The following MLPH variants were observed in gnomAD, a reference collection of about 807,000 sequenced individuals.
MLPH encodes melanophilin.
A neutral mutation model predicts 72.1 loss-of-function variants in MLPH; 51 were observed. That is an observed-to-expected ratio of 0.71 (90% CI 0.56 to 0.89). The LOEUF is 0.89. Ranked by LOEUF, MLPH falls within the 40% of genes least tolerant of loss-of-function variation. The probability of loss-of-function intolerance (pLI) is 0.00; values close to 1 mark genes in which losing one functional copy is unlikely to be tolerated. For synonymous variants in MLPH, 301 were observed against 310.1 expected, an observed-to-expected ratio of 0.97 and a Z score of 0.31; for missense variants, 743 against 759.9, an observed-to-expected ratio of 0.98 and a Z score of 0.26.
chr2:237,542,688 CAGTGCTGAGTGGGG>C, intron 12 of MLPH, 29 bp downstream of exon 12: 1 of 1,496,098 alleles, frequency 6.7e-7, no homozygotes, highest in African/African-American at 1.5e-5. Context: ...TGAGTGGAGA[CAGTGCTGAGTGGGG>C]GGGCAGTGGT....
chr2:237,530,538 A>C (rs1453156560), intron 8 of MLPH, among the ~76,000 whole-genome samples: 1 of 152,138 alleles, frequency 6.6e-6, no homozygotes, highest in Non-Finnish European at 1.5e-5. Context: ...CTGACTTTTT[A>C]CTGTAGTGTC....
At chr2:237,546,381 T>A in intron 12 of MLPH, 1 of 576,050 alleles carries the variant, frequency 1.7e-6, no homozygotes, top group Non-Finnish European at 3.1e-6. Context: ...CTTTTCACAA[T>A]CTGAAATTCA....
At chr2:237,507,129 T>C (rs4471842) in intron 2 of MLPH, 144,792 of 147,144 alleles carry the variant, frequency 0.98, 71,257 homozygotes, top group Middle Eastern at 1. Context: ...TGCAGTAGCG[T>C]AATCTCGGCT....
Position 237,493,480 on chromosome 2 carries a change from C to G in MLPH, c.54C>G (p.Val18=). The part of the protein sequence containing the change: ...SKLTDEEAQH[V]LEVVQRDFDL... ...TCACTGATGAAGAGGCCCAGCATGTCTTGGAAGTTGTTCAACGAGATTTTG... is the reference window on the plus strand; with the variant it reads ...TCACTGATGAAGAGGCCCAGCATGTGTTGGAAGTTGTTCAACGAGATTTTG... The change falls in exon 2 of 16, where the codon GTC becomes GTG. Residue 18 remains valine (V), a synonymous_variant. Coordinates refer to ENST00000264605, the MANE Select transcript of MLPH (RefSeq NM_024101.7). 6.2e-7 allele frequency: 1 copy of G among 1,614,106 alleles called. No individual in the cohort carries two copies.
Position 237,546,678 on chromosome 2 carries a change from G to A in MLPH, c.1612G>A (p.Ala538Thr), listed in dbSNP as rs2080925077. 1.3e-5 allele frequency: 21 copies of A among 1,613,904 alleles called. No homozygotes were observed. Among genetic ancestry groups the A allele is most frequent in the Non-Finnish European group, 1.7e-5 (20 of 1,179,752 alleles). Residue 538 changes from alanine (A) to threonine (T), a missense_variant, in exon 13 of 16, where the codon GCC becomes ACC. By Grantham distance (58) the Ala-to-Thr change is moderately conservative. Coordinates refer to ENST00000264605, the MANE Select transcript of MLPH (RefSeq NM_024101.7). ...EDPNADPSSE[A>T]KAMAVPYLLR... ...CCCAAATGCAGACCCTTCAAGTGAG[G>A]CCAAGGTATGTGTTACTCCATTCAA...
At chr2:237,525,113 C>A (rs976479235) in intron 6 of MLPH, among the ~76,000 whole-genome samples, 2 of 152,214 alleles carry the variant, frequency 1.3e-5, no homozygotes, top group Non-Finnish European at 2.9e-5. Context: ...AACACAGACA[C>A]CCCTCTGCTG....
At chr2:237,515,934 G>T (rs1334619979) in intron 4 of MLPH, among the ~76,000 whole-genome samples, 4 of 152,228 alleles carry the variant, frequency 2.6e-5, no homozygotes, top group African/African-American at 9.7e-5. Context: ...CAAGGCAGAG[G>T]TGTGGTGTGC....
intron 1 of MLPH, among the ~76,000 whole-genome samples, chr2:237,489,197 T>C (rs939323538): frequency 6.6e-6 from 1 of 152,180 alleles, no homozygotes; most frequent in African/African-American, 2.4e-5. Context: ...CTGGGACCCA[T>C]CCTTGCGGTA....
intron 1 of MLPH, among the ~76,000 whole-genome samples, chr2:237,492,500 T>A (rs948348724): frequency 6.6e-6 from 1 of 151,702 alleles, no homozygotes; most frequent in Non-Finnish European, 1.5e-5. Context: ...TTTTAAAAAA[T>A]TTAATTAGAT....
At position 237,505,480 on chromosome 2, in the gene MLPH, C is replaced by T. The variant is rs2079748093; in HGVS notation, c.111-5094C>T. Among the ~76,000 whole-genome samples, 1 of 152,154 alleles carries T rather than the reference C, an allele frequency of 6.6e-6. No homozygotes were observed. The highest frequency in any genetic ancestry group is 2.4e-5 in the African/African-American group (1 of 41,436). ...ACAGGACCCCTCATGCAGGCTCTTCCCCCGCCTGTGTGCTGGACCTTGGGG... is the reference window on the plus strand; with the variant it reads ...ACAGGACCCCTCATGCAGGCTCTTCTCCCGCCTGTGTGCTGGACCTTGGGG... On this transcript the variant is annotated intron_variant, in intron 2 of 15. Transcript: ENST00000264605. The surrounding 1 kb of genome is among the most constrained non-coding windows in gnomAD (Gnocchi z 4.5).
At chr2:237,525,374 C>G (rs185720874) in intron 6 of MLPH, among the ~76,000 whole-genome samples, 124 of 152,312 alleles carry the variant, frequency 8.1e-4, no homozygotes, top group African/African-American at 2.9e-3. Flanking sequence ...ATTGCACAGA[C>G]ACATGCAATA....
At chr2:237,515,352 T>C (rs765485948) in intron 4 of MLPH, among the ~76,000 whole-genome samples, 19 of 152,108 alleles carry the variant, frequency 1.2e-4, no homozygotes, top group Non-Finnish European at 2.4e-4. Context: ...AGGGTAGTGC[T>C]GTGGAAGAGC....
At position 237,527,569 on chromosome 2, in the gene MLPH, T is replaced by C. The variant is rs1462986509; in HGVS notation, c.1020+53T>C. The C allele has an allele frequency of 1.8e-5, 29 of 1,608,616 alleles. No individual in the cohort carries two copies. The South Asian group carries it at 2.6e-4, about 15-fold the overall frequency. On this transcript the variant is annotated intron_variant, in intron 8 of 15. Coordinates refer to ENST00000264605, the MANE Select transcript of MLPH (RefSeq NM_024101.7). ...TTGTCGTTTCTTTGGGTGGAGTCTT[T>C]TTACCTCCACACCAAGTCACTTTAG...
At chr2:237,491,237 G>C (rs2079423170) in intron 1 of MLPH, among the ~76,000 whole-genome samples, 2 of 152,180 alleles carry the variant, frequency 1.3e-5, no homozygotes, top group Non-Finnish European at 2.9e-5. Flanking sequence ...TGGTGGTTTT[G>C]AGACTTCCCC....
intron 6 of MLPH, among the ~76,000 whole-genome samples, chr2:237,522,791 T>C (rs77009515): frequency 0.17 from 25,317 of 151,990 alleles, 2,310 homozygotes; most frequent in African/African-American, 0.23. Flanking sequence ...GGGTGGGGTC[T>C]GGAATAAATA....
intron 1 of MLPH, among the ~76,000 whole-genome samples, chr2:237,488,024 C>T (rs1046885484): frequency 1.3e-5 from 2 of 152,026 alleles, no homozygotes; most frequent in Admixed American, 6.5e-5. Context: ...CTGTGGGCTT[C>T]GTCCCTACTA....
At chr2:237,516,997 GTGGATGGATGGATGGATGGATGGATGGA>G (rs4053461) in intron 4 of MLPH, among the ~76,000 whole-genome samples, 1 of 130,734 alleles carries the variant, frequency 7.6e-6, no homozygotes, top group African/African-American at 3.1e-5. Context: ...TGGTAGGTGA[GTGGATGGATGGATGGATGGATGGATGGA>G]TGGATGGATG....
chr2:237,488,946 C>T (rs968367003), intron 1 of MLPH, among the ~76,000 whole-genome samples: 3 of 152,146 alleles, frequency 2.0e-5, no homozygotes, highest in African/African-American at 4.8e-5. Flanking sequence ...ACAGTCTTTG[C>T]CCCTACTCCT....
intron 15 of MLPH, 105 bp downstream of exon 15, chr2:237,552,542 A>C (rs540815038): frequency 1.0e-6 from 1 of 994,980 alleles, no homozygotes; most frequent in African/African-American, 1.6e-5. Context: ...AGATAAACAA[A>C]ACAAAGATTC....
Sources: allele counts gnomAD v4.1 joint callset (sites outside exome capture counted in the v4.1 genomes callset), GRCh38; gene constraint gnomAD v4.1.1; non-coding constraint Gnocchi (gnomAD v3.1); transcripts MANE v1.5; gene names NCBI Gene and HGNC (gene_info 2026-07-23, HGNC 2026-07-21).